ENOX1: variants seen among roughly 807,000 people sequenced by gnomAD.
ENOX1 encodes the protein candidate growth-related and time keeping constitutive hydroquinone (NADH) oxidase.
Under a neutral mutation model 82.5 loss-of-function variants are expected in ENOX1, and 42 were observed. The observed-to-expected ratio is 0.51, with a 90% confidence interval of 0.40 to 0.66. The LOEUF is 0.66. Among genes scored for constraint, ENOX1 ranks in the 30% least tolerant of loss-of-function variants. The pLI, the probability that ENOX1 is intolerant of heterozygous loss-of-function variation, is 0.00. For synonymous variants in ENOX1, 271 were observed against 282.2 expected (o/e 0.96, Z 0.40); for missense variants, 608 against 811.6 (o/e 0.75, Z 3.05).
chr13:43,762,459 G>A (rs1226960303), intron 1 of ENOX1, among the ~76,000 whole-genome samples: 2 of 152,192 alleles, frequency 1.3e-5, no homozygotes, highest in African/African-American at 4.8e-5. Context: ...AGTTAACTAT[G>A]AGATAAAATT....
At chr13:43,769,923 T>C (rs2153836989) in intron 1 of ENOX1, among the ~76,000 whole-genome samples, 1 of 152,326 alleles carries the variant, frequency 6.6e-6, no homozygotes, top group Non-Finnish European at 1.5e-5. Context: ...GGCAATAGTG[T>C]AGTTTCATGG....
chr13:43,612,510 G>A (rs1034661041), intron 2 of ENOX1, among the ~76,000 whole-genome samples: 1 of 141,830 alleles, frequency 7.1e-6, no homozygotes, highest in Non-Finnish European at 1.6e-5. Flanking sequence ...AGAAAGGTCC[G>A]ATTTTTTTTG....
intron 1 of ENOX1, among the ~76,000 whole-genome samples, chr13:43,748,970 CTGAGGT>C (rs1411724296): frequency 1.3e-5 from 2 of 152,116 alleles, no homozygotes; most frequent in Non-Finnish European, 2.9e-5. Context: ...CTTAATTTCT[CTGAGGT>C]TTAGTTTTAG....
At chr13:43,639,751 C>T (rs1274310268) in intron 2 of ENOX1, among the ~76,000 whole-genome samples, 1 of 152,124 alleles carries the variant, frequency 6.6e-6, no homozygotes, top group Non-Finnish European at 1.5e-5. Flanking sequence ...AAATCTTGGC[C>T]GGGCACAGTG....
At chr13:43,677,262 C>T (rs1237732272) in intron 1 of ENOX1, among the ~76,000 whole-genome samples, 1 of 152,088 alleles carries the variant, frequency 6.6e-6, no homozygotes, top group African/African-American at 2.4e-5. Context: ...CAGGAAAAGC[C>T]CGAGTCAGTC....
chr13:43,731,521 G>GTT (rs915149019), intron 1 of ENOX1, among the ~76,000 whole-genome samples: 4 of 30,436 alleles, frequency 1.3e-4, no homozygotes, highest in Admixed American at 1.0e-3. Context: ...TCCCAGTCCT[G>GTT]TTTTTGTTTT....
chr13:43,773,665 G>A (rs1951772236), intron 1 of ENOX1, among the ~76,000 whole-genome samples: 2 of 152,166 alleles, frequency 1.3e-5, no homozygotes, highest in Admixed American at 6.6e-5. Flanking sequence ...AGCCTCCTCT[G>A]TCACTTCACC....
chr13:43,637,449 C>A (rs2083456709), intron 2 of ENOX1, among the ~76,000 whole-genome samples: 2 of 152,098 alleles, frequency 1.3e-5, no homozygotes, highest in Admixed American at 6.6e-5. Flanking sequence ...TAAGGATACT[C>A]AAAAACACTG....
chr13:43,566,743 G>A (rs962002447), intron 2 of ENOX1, among the ~76,000 whole-genome samples: 1 of 151,766 alleles, frequency 6.6e-6, no homozygotes, highest in African/African-American at 2.4e-5. Flanking sequence ...TTGTCTCCAC[G>A]CTCAGAAGAG....
rs568093735 is a variant in ENOX1, at chr13:43,590,602, G to C, written c.-219+76877C>G. On this transcript the variant is annotated intron_variant, in intron 2 of 16. Coordinates refer to ENST00000690772, the MANE Select transcript of ENOX1 (RefSeq NM_001347969.2). ...ATTGTGGCTAACATGGTGAAACCTT[G>C]TTTCTACTAAAAAAACAAAAAAAAT... is the stretch of plus-strand genomic sequence containing the variant. 3.0e-5 allele frequency among the ~76,000 whole-genome samples: 3 copies of C among 98,850 alleles called. No individual in the cohort carries two copies. The East Asian group carries it at 7.5e-4, about 25-fold the overall frequency. 64.8% of individuals were successfully genotyped at this position (98,850 alleles called of 152,430 possible). A position where few individuals can be genotyped will look rare whatever the true frequency, so the allele number is the denominator to read the frequency against.
intron 1 of ENOX1, among the ~76,000 whole-genome samples, chr13:43,781,763 G>A (rs1250352608): frequency 1.3e-5 from 2 of 152,028 alleles, no homozygotes; most frequent in African/African-American, 4.8e-5. Context: ...TGCCCGCCTC[G>A]ACCTCTCAAA....
chr13:43,594,008 CCAA>C (rs2081357167), intron 2 of ENOX1, among the ~76,000 whole-genome samples: 1 of 152,030 alleles, frequency 6.6e-6, no homozygotes, highest in South Asian at 2.1e-4. Context: ...CTTACTGCGC[CCAA>C]CAACGCCAGG....
At position 43,342,606 on chromosome 13, in the gene ENOX1, G is replaced by T. The variant is rs139698766; in HGVS notation, c.1036+1932C>A. Among the ~76,000 whole-genome samples, 1,245 of 152,242 alleles carry T rather than the reference G, an allele frequency of 8.2e-3. 15 individuals carry two copies. Among genetic ancestry groups the T allele is most frequent in the African/African-American group, 0.027 (1,132 of 41,534 alleles). ...AGTGATGAGCCAGCCTGCCCAGGGGGAGTGCCTGTTCTGCTCACCCACTCC... is the reference window on the plus strand; with the variant it reads ...AGTGATGAGCCAGCCTGCCCAGGGGTAGTGCCTGTTCTGCTCACCCACTCC... On this transcript the variant is annotated intron_variant, in intron 9 of 16. Coordinates refer to ENST00000690772, the MANE Select transcript of ENOX1 (RefSeq NM_001347969.2).
intron 14 of ENOX1, among the ~76,000 whole-genome samples, chr13:43,264,897 T>C (rs1008072246): frequency 2.6e-5 from 4 of 152,204 alleles, no homozygotes; most frequent in Non-Finnish European, 4.4e-5. Context: ...TTATTCTTTA[T>C]CAAGAAGATG....
intron 7 of ENOX1, among the ~76,000 whole-genome samples, chr13:43,359,229 C>T (rs1286211896): frequency 6.6e-6 from 1 of 152,222 alleles, no homozygotes; most frequent in East Asian, 1.9e-4. Context: ...CTTCCAAAGC[C>T]AGCCCCTAAT....
At chr13:43,515,127 C>G (rs552550657) in intron 2 of ENOX1, among the ~76,000 whole-genome samples, 1 of 152,110 alleles carries the variant, frequency 6.6e-6, no homozygotes, top group African/African-American at 2.4e-5. Flanking sequence ...AACCAGTACA[C>G]GGCAGAGGTG....
chr13:43,504,899 T>C (rs2077099886), intron 2 of ENOX1, among the ~76,000 whole-genome samples: 1 of 151,746 alleles, frequency 6.6e-6, no homozygotes, highest in Non-Finnish European at 1.5e-5. Context: ...TTCATGGTTA[T>C]ATACTTATCT....
In ENOX1 at chr13:43,573,332, A is replaced by C. The variant is rs564532946; in HGVS notation, c.-218-89180T>G. 2.0e-5 allele frequency among the ~76,000 whole-genome samples: 3 copies of C among 152,310 alleles called. No homozygotes were observed. In the East Asian group the frequency reaches 5.8e-4, roughly 29 times the overall value. ...GCAACCAAGAAGGCACTGAAAAATT[A>C]GAACCCACATGCCCTTATTCCCATT... On this transcript the variant is annotated intron_variant, in intron 2 of 16. Transcript: ENST00000690772.
At chr13:43,488,225 A>T (rs2076500105) in intron 2 of ENOX1, among the ~76,000 whole-genome samples, 1 of 152,164 alleles carries the variant, frequency 6.6e-6, no homozygotes, top group Non-Finnish European at 1.5e-5. Context: ...TTAAGAGATG[A>T]TTAGGCCATG....
Sources: allele counts gnomAD v4.1 joint callset (sites outside exome capture counted in the v4.1 genomes callset), GRCh38; gene constraint gnomAD v4.1.1; transcripts MANE v1.5; gene names NCBI Gene and HGNC (gene_info 2026-07-23, HGNC 2026-07-21).